Variants in STXBP5L observed in about 807,000 individuals in gnomAD.
STXBP5L encodes the protein syntaxin-binding protein 5-like.
A neutral mutation model predicts 144.5 loss-of-function variants in STXBP5L; 65 were observed. The ratio of observed to expected loss-of-function variants is 0.45; its 90% CI spans 0.37 to 0.55. STXBP5L has a LOEUF of 0.55. Among genes scored for constraint, STXBP5L ranks in the 20% least tolerant of loss-of-function variants. STXBP5L has a pLI of 0.00. For missense variants in STXBP5L, 1,298 were observed against 1,405.5 expected, an observed-to-expected ratio of 0.92 and a Z score of 1.22; for synonymous variants, 505 against 469.6, an observed-to-expected ratio of 1.08 and a Z score of -0.97.
At chr3:121,173,327 A>ATAATAC (rs1553725493) in intron 9 of STXBP5L, among the ~76,000 whole-genome samples, 1 of 29,568 alleles carries the variant, frequency 3.4e-5, no homozygotes, top group Non-Finnish European at 6.3e-5. Flanking sequence ...TTAAAATATA[A>ATAATAC]TAATAATAAT....
At chr3:120,974,909 T>C (rs1329832238) in intron 3 of STXBP5L, among the ~76,000 whole-genome samples, 1 of 152,194 alleles carries the variant, frequency 6.6e-6, no homozygotes, top group Non-Finnish European at 1.5e-5. Flanking sequence ...TATATCTCTG[T>C]TTTGGTACCA....
At chr3:121,255,186 C>G in intron 16 of STXBP5L, 74 bp downstream of exon 16, 1 of 1,161,112 alleles carries the variant, frequency 8.6e-7, no homozygotes, top group Non-Finnish European at 1.2e-6. Context: ...TTGACTACTA[C>G]TTGGTATGGT....
chr3:121,196,039 T>C (rs917085294), intron 9 of STXBP5L, among the ~76,000 whole-genome samples: 6 of 152,166 alleles, frequency 3.9e-5, no homozygotes, highest in African/African-American at 1.4e-4. Flanking sequence ...GGGTCTTTTG[T>C]GGTTTCATGT....
intron 3 of STXBP5L, among the ~76,000 whole-genome samples, chr3:120,984,118 C>A (rs901494650): frequency 9.2e-5 from 14 of 152,166 alleles, no homozygotes; most frequent in Admixed American, 6.5e-4. Flanking sequence ...GAGTAGGCTT[C>A]CTGTTAAGAC....
intron 5 of STXBP5L, among the ~76,000 whole-genome samples, chr3:121,078,505 G>C (rs1001137660): frequency 7.9e-5 from 12 of 152,270 alleles, no homozygotes; most frequent in African/African-American, 2.9e-4. Flanking sequence ...AGGTGGAGCT[G>C]CCTGCCAGTC....
intron 7 of STXBP5L, among the ~76,000 whole-genome samples, chr3:121,148,221 T>G (rs1465620747): frequency 6.6e-6 from 1 of 152,030 alleles, no homozygotes; most frequent in African/African-American, 2.4e-5. Flanking sequence ...AAACAGTTAT[T>G]TGAAAATACT....
At chr3:120,923,579 T>G (rs1041441240) in intron 2 of STXBP5L, among the ~76,000 whole-genome samples, 15 of 152,116 alleles carry the variant, frequency 9.9e-5, no homozygotes, top group African/African-American at 2.9e-4. Context: ...TCCTTCTTAA[T>G]TTTTTTCATT....
chr3:121,150,170 TGTTA>T (rs1448449071), intron 7 of STXBP5L, among the ~76,000 whole-genome samples: 2 of 152,148 alleles, frequency 1.3e-5, no homozygotes, highest in African/African-American at 4.8e-5. Context: ...ACAATTAATT[TGTTA>T]TTCACCAAAT....
intron 7 of STXBP5L, among the ~76,000 whole-genome samples, chr3:121,145,979 A>G (rs1420444662): frequency 1.3e-5 from 2 of 152,034 alleles, no homozygotes; most frequent in Non-Finnish European, 2.9e-5. Context: ...TCTCTACTGG[A>G]ACTGGGACAT....
chr3:121,290,902 G>C (rs780542725), intron 19 of STXBP5L, among the ~76,000 whole-genome samples: 1 of 151,950 alleles, frequency 6.6e-6, no homozygotes, highest in Non-Finnish European at 1.5e-5. Flanking sequence ...AAACAACTAA[G>C]GGTAATAAAA....
intron 19 of STXBP5L, among the ~76,000 whole-genome samples, chr3:121,308,684 CA>C (rs1242365746): frequency 6.6e-6 from 1 of 151,924 alleles, no homozygotes; most frequent in East Asian, 1.9e-4. Flanking sequence ...CTGGATTCAC[CA>C]GAACAAATAA....
intron 18 of STXBP5L, among the ~76,000 whole-genome samples, chr3:121,270,065 A>G (rs2050691438): frequency 6.6e-6 from 1 of 152,182 alleles, no homozygotes; most frequent in African/African-American, 2.4e-5. Context: ...AACCTTTGAA[A>G]TTCAGTCTTG....
At chr3:121,207,447 A>G (rs1559864802) in intron 10 of STXBP5L, among the ~76,000 whole-genome samples, 1 of 152,214 alleles carries the variant, frequency 6.6e-6, no homozygotes, top group Non-Finnish European at 1.5e-5. Flanking sequence ...CTAAAACACC[A>G]AAAGCAATGG....
At chr3:121,240,649 A>G in intron 14 of STXBP5L, 142 bp downstream of exon 14, 2 of 712,278 alleles carry the variant, frequency 2.8e-6, no homozygotes, top group Non-Finnish European at 4.6e-6. Flanking sequence ...CTACCCAAAG[A>G]TTCTCATCTT....
intron 5 of STXBP5L, among the ~76,000 whole-genome samples, chr3:121,091,534 G>T (rs2042795354): frequency 1.3e-5 from 2 of 152,150 alleles, no homozygotes; most frequent in Admixed American, 6.5e-5. Flanking sequence ...GGCCAGTGAT[G>T]GTGAGCATTT....
chr3:121,036,872 T>C (rs559506865), intron 3 of STXBP5L, among the ~76,000 whole-genome samples: 2 of 146,108 alleles, frequency 1.4e-5, no homozygotes, highest in African/African-American at 2.6e-5. Flanking sequence ...CAACCAACAT[T>C]GCATTCCTGG....
chr3:121,173,599 A>G (rs1397463057), intron 9 of STXBP5L, among the ~76,000 whole-genome samples: 1 of 152,040 alleles, frequency 6.6e-6, no homozygotes, highest in Admixed American at 6.6e-5. Flanking sequence ...TTTACAAATA[A>G]CATAATCGAT....
At chr3:121,015,667 G>C (rs1474409474) in intron 3 of STXBP5L, among the ~76,000 whole-genome samples, 1 of 152,068 alleles carries the variant, frequency 6.6e-6, no homozygotes, top group Admixed American at 6.6e-5. Flanking sequence ...ACTCTGGCAG[G>C]GTGCTTATTC....
At chr3:121,013,823 G>A (rs762232077) in intron 3 of STXBP5L, among the ~76,000 whole-genome samples, 27 of 151,936 alleles carry the variant, frequency 1.8e-4, no homozygotes, top group Non-Finnish European at 1.9e-4. Flanking sequence ...TTTTTATGGT[G>A]AGAAGTAGGG....
Sources: gnomAD v4.1 joint callset for allele counts (sites outside exome capture counted in the v4.1 genomes callset) on GRCh38, gnomAD v4.1.1 for gene constraint, MANE v1.5 for transcripts, NCBI Gene and HGNC (gene_info 2026-07-23, HGNC 2026-07-21) for gene names.